Variants in GALNTL6 observed in about 807,000 individuals in gnomAD.
The protein encoded by GALNTL6 is polypeptide N-acetylgalactosaminyltransferase-like 6.
In GALNTL6, 46 loss-of-function variants were observed where a neutral mutation model predicts 73.7. The ratio of observed to expected loss-of-function variants is 0.62; its 90% CI spans 0.49 to 0.80. The LOEUF is 0.80. Among genes scored for constraint, GALNTL6 ranks in the 30% least tolerant of loss-of-function variants. The probability of loss-of-function intolerance (pLI) is 0.00; values close to 1 mark genes in which losing one functional copy is unlikely to be tolerated. For synonymous variants in GALNTL6, 259 were observed against 263.7 expected, an observed-to-expected ratio of 0.98 and a Z score of 0.17; for missense variants, 604 against 755.0, an observed-to-expected ratio of 0.80 and a Z score of 2.34.
intron 7 of GALNTL6, among the ~76,000 whole-genome samples, chr4:172,834,179 G>A (rs1465338629): frequency 2.6e-5 from 4 of 152,124 alleles, no homozygotes; most frequent in Non-Finnish European, 5.9e-5. Flanking sequence ...CTGACAAGAG[G>A]AAAGACATCT....
intron 5 of GALNTL6, among the ~76,000 whole-genome samples, chr4:172,459,393 G>A (rs1030509967): frequency 2.6e-5 from 4 of 152,136 alleles, no homozygotes; most frequent in African/African-American, 4.8e-5. Context: ...GAAATAAAGC[G>A]TATTCAAATA....
chr4:172,180,631 T>C (rs1406187719), intron 2 of GALNTL6, among the ~76,000 whole-genome samples: 2 of 152,184 alleles, frequency 1.3e-5, no homozygotes, highest in African/African-American at 4.8e-5. Context: ...TTGTAGAAAG[T>C]GTAAGGAAGC....
intron 5 of GALNTL6, among the ~76,000 whole-genome samples, chr4:172,685,118 T>C (rs1231727586): frequency 6.6e-6 from 1 of 152,146 alleles, no homozygotes; most frequent in Non-Finnish European, 1.5e-5. Flanking sequence ...GAAAATACTA[T>C]GGCAAGTTAA....
chr4:171,846,377 A>C (rs1322643074), intron 2 of GALNTL6, among the ~76,000 whole-genome samples: 3 of 152,200 alleles, frequency 2.0e-5, no homozygotes, highest in African/African-American at 4.8e-5. Flanking sequence ...TTCTCCTTAC[A>C]TACAATCATG....
chr4:172,793,544 T>A (rs1560956651), intron 5 of GALNTL6, among the ~76,000 whole-genome samples: 1 of 152,102 alleles, frequency 6.6e-6, no homozygotes, highest in Non-Finnish European at 1.5e-5. Flanking sequence ...GGGAGACACA[T>A]CAGTAGCAGG....
chr4:172,641,024 A>G (rs1466580910), intron 5 of GALNTL6, among the ~76,000 whole-genome samples: 1 of 152,090 alleles, frequency 6.6e-6, no homozygotes. Context: ...AAAAAACCTT[A>G]GAATCCTCCT....
intron 5 of GALNTL6, among the ~76,000 whole-genome samples, chr4:172,697,676 A>C (rs1733776181): frequency 6.6e-6 from 1 of 152,190 alleles, no homozygotes; most frequent in Non-Finnish European, 1.5e-5. Flanking sequence ...GAAGAAACAA[A>C]GCCGAGAATG....
intron 11 of GALNTL6, among the ~76,000 whole-genome samples, chr4:173,012,404 A>G (rs1752595861): frequency 6.6e-6 from 1 of 152,222 alleles, no homozygotes; most frequent in Non-Finnish European, 1.5e-5. Flanking sequence ...CGAGGAAAAC[A>G]GCCACAGAAC....
chr4:171,978,551 A>C (rs542870897), intron 2 of GALNTL6, among the ~76,000 whole-genome samples: 1 of 152,298 alleles, frequency 6.6e-6, no homozygotes, highest in East Asian at 1.9e-4. Context: ...TGTCCAAGAG[A>C]AAGAAACAAG....
rs569278482 is a variant in GALNTL6 at position 172,167,247 on chromosome 4, A to G, written c.139-62409A>G. Among the ~76,000 whole-genome samples the G allele has an allele frequency of 4.5e-4, 69 of 152,368 alleles. No homozygotes were observed. The South Asian group carries it at 0.01, about 22-fold the overall frequency. On this transcript the variant is annotated intron_variant, in intron 2 of 12. Transcript: ENST00000506823. ...TTGATTCTATATGCAGAATTCATTAAGAAAGACTATTTTTAGGTACGGGGA... is the reference window on the plus strand; with the variant it reads ...TTGATTCTATATGCAGAATTCATTAGGAAAGACTATTTTTAGGTACGGGGA...
intron 5 of GALNTL6, among the ~76,000 whole-genome samples, chr4:172,673,837 T>A (rs1397434962): frequency 1.3e-5 from 2 of 152,238 alleles, no homozygotes; most frequent in African/African-American, 4.8e-5. Context: ...TTTTTCTCCC[T>A]CCCTTTATTT....
At chr4:172,647,434 G>T (rs1346659349) in intron 5 of GALNTL6, among the ~76,000 whole-genome samples, 2 of 151,998 alleles carry the variant, frequency 1.3e-5, no homozygotes, top group African/African-American at 4.8e-5. Flanking sequence ...TGAAAGGTTG[G>T]GATAGGTGAG....
chr4:171,953,019 A>T (rs561817867), intron 2 of GALNTL6, among the ~76,000 whole-genome samples: 18 of 152,314 alleles, frequency 1.2e-4, no homozygotes, highest in Middle Eastern at 3.4e-3. Context: ...GTTAGCATTT[A>T]CAATGAAAAT....
chr4:172,536,380 G>C (rs1329385023), intron 5 of GALNTL6, among the ~76,000 whole-genome samples: 1 of 152,160 alleles, frequency 6.6e-6, no homozygotes, highest in Non-Finnish European at 1.5e-5. Context: ...AGAAAGATGT[G>C]GGAAAGTTTG....
intron 5 of GALNTL6, among the ~76,000 whole-genome samples, chr4:172,572,065 A>G (rs1406987657): frequency 6.6e-6 from 1 of 152,292 alleles, no homozygotes; most frequent in African/African-American, 2.4e-5. Flanking sequence ...CCCCAGACTG[A>G]AATGATGATT....
chr4:172,940,505 G>C (rs1428582511), intron 9 of GALNTL6, among the ~76,000 whole-genome samples: 1 of 151,920 alleles, frequency 6.6e-6, no homozygotes, highest in African/African-American at 2.4e-5. Flanking sequence ...TGGGACTACA[G>C]GTGCACGCCA....
At chr4:171,976,465 T>C (rs1287268830) in intron 2 of GALNTL6, among the ~76,000 whole-genome samples, 1 of 152,244 alleles carries the variant, frequency 6.6e-6, no homozygotes, top group Admixed American at 6.5e-5. Context: ...ATAATTTCCA[T>C]GTATAAACAC....
chr4:172,164,763 A>C (rs554809842), intron 2 of GALNTL6, among the ~76,000 whole-genome samples: 2 of 152,216 alleles, frequency 1.3e-5, no homozygotes, highest in East Asian at 3.9e-4. Flanking sequence ...TTGAGTTTTC[A>C]ATCTTCTCAT....
chr4:172,070,266 G>A (rs1309375446), intron 2 of GALNTL6, among the ~76,000 whole-genome samples: 2 of 110,102 alleles, frequency 1.8e-5, no homozygotes, highest in East Asian at 4.2e-4. Flanking sequence ...GAAAGACATG[G>A]GAAATCAAGG....
Sources: allele counts gnomAD v4.1 joint callset (sites outside exome capture counted in the v4.1 genomes callset), GRCh38; gene constraint gnomAD v4.1.1; transcripts MANE v1.5; gene names NCBI Gene and HGNC (gene_info 2026-07-23, HGNC 2026-07-21).